ADAMTSL1: variants seen among roughly 807,000 people sequenced by gnomAD.
The protein encoded by ADAMTSL1 is ADAMTS like 1.
In ADAMTSL1, 126 loss-of-function variants were observed where a neutral mutation model predicts 201.8. The ratio of observed to expected loss-of-function variants is 0.62; its 90% CI spans 0.54 to 0.72. ADAMTSL1 has a LOEUF of 0.72. Among genes scored for constraint, ADAMTSL1 ranks in the 30% least tolerant of loss-of-function variants. The pLI, the probability that ADAMTSL1 is intolerant of heterozygous loss-of-function variation, is 0.00. For synonymous variants in ADAMTSL1, 1,121 were observed against 903.4 expected, an observed-to-expected ratio of 1.24 and a Z score of -4.32; for missense variants, 2,679 against 2,277.8, an observed-to-expected ratio of 1.18 and a Z score of -3.59.
chr9:18,316,644 A>G (rs1048543522), intron 2 of ADAMTSL1, among the ~76,000 whole-genome samples: 2 of 152,158 alleles, frequency 1.3e-5, no homozygotes, highest in African/African-American at 4.8e-5. Context: ...CAAGGTGCCC[A>G]GATTTCATAT....
At chr9:18,793,172 C>T (rs1225098797) in intron 19 of ADAMTSL1, 1 of 152,206 alleles carries the variant, frequency 6.6e-6, no homozygotes, top group Non-Finnish European at 1.5e-5. Context: ...TGTCTATTTC[C>T]TTCCCCATTT....
At chr9:18,744,805 A>T (rs1323422476) in intron 15 of ADAMTSL1, among the ~76,000 whole-genome samples, 1 of 152,110 alleles carries the variant, frequency 6.6e-6, no homozygotes, top group Non-Finnish European at 1.5e-5. Context: ...TATCTGGGGG[A>T]TTTCTTCAGT....
chr9:18,195,999 A>G (rs1342071620), intron 2 of ADAMTSL1, among the ~76,000 whole-genome samples: 2 of 152,150 alleles, frequency 1.3e-5, no homozygotes, highest in Non-Finnish European at 2.9e-5. Flanking sequence ...CAATTCATAC[A>G]TCACTTCCTA....
intron 22 of ADAMTSL1, among the ~76,000 whole-genome samples, chr9:18,826,856 G>C (rs990448667): frequency 1.3e-5 from 2 of 152,098 alleles, no homozygotes; most frequent in Admixed American, 6.6e-5. Context: ...TAAAAACTAT[G>C]GATTCCTCCT....
At chr9:18,747,626 A>G (rs539188406) in intron 15 of ADAMTSL1, among the ~76,000 whole-genome samples, 10 of 152,324 alleles carry the variant, frequency 6.6e-5, no homozygotes, top group Admixed American at 5.9e-4. Flanking sequence ...GACAGGAATA[A>G]TGCATTTAAA....
chr9:18,741,602 G>T (rs1331690984), intron 15 of ADAMTSL1, among the ~76,000 whole-genome samples: 2 of 152,160 alleles, frequency 1.3e-5, no homozygotes, highest in African/African-American at 4.8e-5. Context: ...AAACAAACTG[G>T]GTGGGTTAGA....
chr9:18,827,862 T>C (rs903338360), intron 22 of ADAMTSL1, among the ~76,000 whole-genome samples: 2 of 152,258 alleles, frequency 1.3e-5, no homozygotes, highest in South Asian at 2.1e-4. Flanking sequence ...CTGTCAAGAC[T>C]CTTAGGTTTA....
intron 2 of ADAMTSL1, among the ~76,000 whole-genome samples, chr9:18,433,058 AT>A (rs146251294): frequency 6.6e-6 from 1 of 152,012 alleles, no homozygotes; most frequent in Non-Finnish European, 1.5e-5. Flanking sequence ...CTTTGGCTAG[AT>A]TTTTTTTAAC....
intron 1 of ADAMTSL1, among the ~76,000 whole-genome samples, chr9:17,962,941 T>C (rs563779698): frequency 6.6e-6 from 1 of 152,358 alleles, no homozygotes; most frequent in Admixed American, 6.5e-5. Context: ...CAGTTGAAAC[T>C]ATTTCTCATG....
At chr9:18,723,912 G>A (rs1325641146) in intron 15 of ADAMTSL1, 6 of 152,156 alleles carry the variant, frequency 3.9e-5, no homozygotes, top group Admixed American at 1.3e-4. Context: ...AATGTGTTTG[G>A]TAGGAGCATA....
At chr9:18,301,445 A>G (rs1833707567) in intron 2 of ADAMTSL1, among the ~76,000 whole-genome samples, 1 of 152,188 alleles carries the variant, frequency 6.6e-6, no homozygotes, top group South Asian at 2.1e-4. Flanking sequence ...CGCTGAGAGT[A>G]TCAAATCTTT....
At chr9:17,938,678 G>T (rs1052881300) in intron 1 of ADAMTSL1, among the ~76,000 whole-genome samples, 27 of 152,248 alleles carry the variant, frequency 1.8e-4, no homozygotes, top group Non-Finnish European at 3.2e-4. Flanking sequence ...TATGAGGAGA[G>T]ATTTCCCAGT....
chr9:18,600,119 C>T (rs1824540038), intron 4 of ADAMTSL1, among the ~76,000 whole-genome samples: 1 of 152,012 alleles, frequency 6.6e-6, no homozygotes, highest in Non-Finnish European at 1.5e-5. Context: ...CTCTTTGGGG[C>T]CTCTTTCACT....
chr9:18,432,171 T>C (rs569396137), intron 2 of ADAMTSL1, among the ~76,000 whole-genome samples: 105 of 152,320 alleles, frequency 6.9e-4, no homozygotes, highest in Non-Finnish European at 1.3e-3. Flanking sequence ...GTGCCAACCA[T>C]AGATTACATA....
Position 18,709,943 on chromosome 9 carries a change from AATC to A in ADAMTSL1, c.1876+2900_1876+2902del, listed in dbSNP as rs1234827935. On this transcript the variant is annotated intron_variant, in intron 14 of 28. Transcript: ENST00000380548. ...CTTCTGTCAAGAAAGGAAAACCCAG[AATC>A]ATCAAGTACTGTGCTTAAACATGTT... Among the ~76,000 whole-genome samples the A allele has an allele frequency of 6.6e-5, 10 of 152,348 alleles. No homozygotes were observed. The East Asian group carries it at 1.7e-3, about 26-fold the overall frequency.
rs572259237 is a variant in ADAMTSL1, at chr9:17,971,947, AT to A, written c.87+65030del. ...TCTTTCTTTTTATTTTAAAGTTAAA[AT>A]TTTTATTTACTTTTTCTGGCTTTAT... On this transcript the variant is annotated intron_variant, in intron 1 of 29. Coordinates refer to the ADAMTSL1 transcript ENST00000680146. Among the ~76,000 whole-genome samples the A allele has an allele frequency of 5.4e-3, 825 of 151,876 alleles. 8 individuals are homozygous for A. The highest frequency in any genetic ancestry group is 0.019 in the African/African-American group (783 of 41,446).
At chr9:18,125,528 A>G (rs532491170) in intron 1 of ADAMTSL1, among the ~76,000 whole-genome samples, 1 of 152,304 alleles carries the variant, frequency 6.6e-6, no homozygotes, top group African/African-American at 2.4e-5. Context: ...ATTTATACAT[A>G]TGTTTTCTTC....
intron 2 of ADAMTSL1, among the ~76,000 whole-genome samples, chr9:18,314,348 A>G (rs527369565): frequency 3.9e-5 from 6 of 152,094 alleles, no homozygotes; most frequent in Non-Finnish European, 7.4e-5. Context: ...GCTGACTTCA[A>G]GAATGAAGCT....
intron 2 of ADAMTSL1, among the ~76,000 whole-genome samples, chr9:18,462,950 A>C (rs1329119273): frequency 6.6e-6 from 1 of 151,962 alleles, no homozygotes; most frequent in Non-Finnish European, 1.5e-5. Flanking sequence ...AAAAAATAAA[A>C]ATAAAAATAA....
Sources: gnomAD v4.1 joint callset for allele counts (sites outside exome capture counted in the v4.1 genomes callset) on GRCh38, gnomAD v4.1.1 for gene constraint, MANE v1.5 for transcripts, NCBI Gene and HGNC (gene_info 2026-07-23, HGNC 2026-07-21) for gene names.